The following DPH1 variants were observed in gnomAD, a reference collection of about 807,000 sequenced individuals.
The protein encoded by DPH1 is 2-(3-amino-3-carboxypropyl)histidine synthase subunit 1.
A neutral mutation model predicts 55.3 loss-of-function variants in DPH1; 59 were observed. The ratio of observed to expected loss-of-function variants is 1.07; its 90% CI spans 0.87 to 1.33. The LOEUF is 1.33. Ranked by LOEUF, DPH1 falls within the 40% of genes most tolerant of loss-of-function variation. The pLI, the probability that DPH1 is intolerant of heterozygous loss-of-function variation, is 0.00. For missense variants in DPH1, 628 were observed against 584.8 expected (o/e 1.07, Z -0.76); for synonymous variants, 238 against 235.5 (o/e 1.01, Z -0.10).
chr17:2,030,411 G>A (rs879092660), intron 1 of DPH1, among the ~76,000 whole-genome samples, 181 bp downstream of exon 1: 1 of 152,256 alleles, frequency 6.6e-6, no homozygotes, highest in Admixed American at 6.5e-5. Context: ...AGGGGTACCA[G>A]TCTTTTGCAG....
At chr17:2,042,268 C>T (rs760808865) in intron 12 of DPH1, 27 of 1,404,744 alleles carry the variant, frequency 1.9e-5, no homozygotes, top group Middle Eastern at 3.7e-4. Flanking sequence ...CACTCAGTTT[C>T]CTCCATCTTG....
chr17:2,036,766 C>G lies in DPH1; in HGVS notation c.559-69C>G, dbSNP rs1315132560. The G allele has an allele frequency of 5.6e-6, 9 of 1,607,166 alleles. No individual in the cohort carries two copies. Among genetic ancestry groups the G allele is most frequent in the Non-Finnish European group, 6.8e-6 (8 of 1,175,826 alleles). On this transcript the variant is annotated intron_variant, in intron 5 of 12. Transcript: ENST00000263083. This position sits in a 1 kb window ranked among gnomAD's most constrained non-coding sequence, Gnocchi z 4.8. ...AGCTGTTGCGGGATCCCCAGGTGCT[C>G]CAGGCTGTTTCTCAGCCCTGGCTCT... is the stretch of plus-strand genomic sequence containing the variant.
Position 2,043,206 on chromosome 17 carries a change from T to A in DPH1, c.*620T>A. On this transcript the variant is annotated 3_prime_UTR_variant, in exon 13 of 13. Coordinates refer to ENST00000263083, the MANE Select transcript of DPH1 (RefSeq NM_001383.6). ...CTCCACTCACTGCTGTGAGTGCGCCTCACCAGAACCAGTTAAGAGACAACT... is the reference window on the plus strand; with the variant it reads ...CTCCACTCACTGCTGTGAGTGCGCCACACCAGAACCAGTTAAGAGACAACT... The A allele has an allele frequency of 7.3e-7, 1 of 1,367,346 alleles. No individual in the cohort carries two copies. Among genetic ancestry groups the A allele is most frequent in the Middle Eastern group, 2.0e-4 (1 of 5,056 alleles). The allele number at this position is 1,367,346 out of a possible 1,614,324, so 84.7% of individuals were successfully genotyped here.
rs756883293 is a variant in DPH1, at chr17:2,039,823, G to A, written c.749G>A (p.Arg250Gln). ...GCCAACCCCAATGTCCCCGCTTACC[G>A]GTATGGGCTGGGCCGGGCTGGGCTG... is the stretch of plus-strand genomic sequence containing the variant. ...MIANPNVPAY[R>Q]YDPYSKVLSR... Residue 250 changes from arginine to glutamine, a missense_variant and splice_region_variant, in exon 7 of 13, where the codon CGG (arginine) becomes CAG (glutamine). Arg to Gln is a conservative substitution (Grantham distance 43). Coordinates refer to ENST00000263083, the MANE Select transcript of DPH1 (RefSeq NM_001383.6). The A allele has an allele frequency of 2.0e-5, 33 of 1,613,978 alleles. No individual in the cohort carries two copies. The highest frequency in any genetic ancestry group is 5.0e-5 in the Admixed American group (3 of 60,010).
chr17:2,042,023 C>G (rs768418145), intron 12 of DPH1, 148 bp downstream of exon 12: 85 of 1,497,554 alleles, frequency 5.7e-5, no homozygotes, highest in Non-Finnish European at 6.9e-5. Context: ...GCTTCCGGTG[C>G]TTCCGTCGCT....
At position 2,036,350 on chromosome 17, in the gene DPH1, A is replaced by C. The variant is rs2067424582; in HGVS notation, c.401-179A>C. On this transcript the variant is annotated intron_variant, in intron 4 of 12. Transcript: ENST00000263083. The surrounding 1 kb of genome is among the most constrained non-coding windows in gnomAD (Gnocchi z 4.8). Reference sequence around the variant, plus strand: ...GAGCAGGCTGGGCCCCGGCCGGGTGACAGAGAAGTCTGATTGAGAAGGAGC... The same window carrying C: ...GAGCAGGCTGGGCCCCGGCCGGGTGCCAGAGAAGTCTGATTGAGAAGGAGC... 9.4e-7 allele frequency: 1 copy of C among 1,059,100 alleles called. No individual in the cohort carries two copies. The highest frequency in any genetic ancestry group is 1.3e-6 in the Non-Finnish European group (1 of 743,244). 65.6% of individuals were successfully genotyped at this position (1,059,100 alleles called of 1,614,324 possible).
intron 12 of DPH1, 126 bp downstream of exon 12, chr17:2,042,001 C>A: frequency 2.0e-6 from 3 of 1,487,824 alleles, no homozygotes; most frequent in Non-Finnish European, 2.7e-6. Context: ...TGCTTCCGCT[C>A]GGGGAAAGAC....
chr17:2,039,676 C>T (rs2067482990), intron 6 of DPH1, 79 bp from the exon 7 acceptor site: 1 of 1,587,656 alleles, frequency 6.3e-7, no homozygotes, highest in South Asian at 1.1e-5. Context: ...CGCGCCCGGC[C>T]AGCCCTGTGG....
Position 2,043,769 on chromosome 17 carries a change from T to C in DPH1, c.*1183T>C, listed in dbSNP as rs370859964. On this transcript the variant is annotated 3_prime_UTR_variant, in exon 13 of 13. Transcript: ENST00000263083. The stretch of plus-strand genomic sequence containing the variant: ...TGCTGGTCTTCTCTCAAACCCTGGA[T>C]GTGTTACCTGCTTCTCCCTAAGTGC... The C allele has an allele frequency of 6.6e-6, 1 of 152,460 alleles. No individual in the cohort carries two copies. The highest frequency in any genetic ancestry group is 2.1e-4 in the South Asian group (1 of 4,838). 9.4% of individuals were successfully genotyped at this position (152,460 alleles called of 1,614,324 possible).
At position 2,041,577 on chromosome 17, in the gene DPH1, C is replaced by T. The variant is rs200625064; in HGVS notation, c.1183C>T (p.Gln395Ter). Reference sequence around the variant, plus strand: ...GGGGCCCTGGACGGTGAACCACGGCCAGGACCGCCGTCCCCACGCCCCGGG... The same window carrying T: ...GGGGCCCTGGACGGTGAACCACGGCTAGGACCGCCGTCCCCACGCCCCGGG... ...SLGPWTVNHG[Q>*]DRRPHAPGRP... The change falls in exon 11 of 13, where the codon CAG (glutamine) becomes TAG (stop). Residue 395 changes from glutamine to a stop codon, truncating the protein, a stop_gained. Coordinates refer to ENST00000263083, the MANE Select transcript of DPH1 (RefSeq NM_001383.6). LOFTEE classifies it high-confidence loss of function. The T allele has an allele frequency of 2.1e-4, 344 of 1,610,716 alleles. No individual in the cohort carries two copies. Among genetic ancestry groups the T allele is most frequent in the Non-Finnish European group, 2.7e-4 (322 of 1,178,814 alleles).
chr17:2,030,614 C>T (rs925962642), intron 1 of DPH1, among the ~76,000 whole-genome samples: 1 of 152,150 alleles, frequency 6.6e-6, no homozygotes, highest in African/African-American at 2.4e-5. Context: ...CAGGCATTAA[C>T]TGAGCGCCCA....
intron 9 of DPH1, 43 bp from the exon 10 acceptor site, chr17:2,041,060 C>T (rs1030011875): frequency 3.1e-5 from 48 of 1,561,124 alleles, no homozygotes; most frequent in Non-Finnish European, 3.9e-5. Context: ...GCCTGGGCGA[C>T]GAGGAGGCCC....
Position 2,041,820 on chromosome 17 carries a change from G to C in DPH1, c.1280G>C (p.Ser427Thr). 2 of 1,606,104 alleles carry C rather than the reference G, an allele frequency of 1.2e-6. No homozygotes were observed. The highest frequency in any genetic ancestry group is 1.7e-6 in the Non-Finnish European group (2 of 1,177,314). ...TCGGCCGTGGCTTGCGAGGACTGCA[G>C]CTGCAGGGACGAGAAGGTGGCGCCG... ...PPSAVACEDC[S>T]CRDEKVAPLA... The change falls in exon 12 of 13, where the codon AGC (serine) becomes ACC (threonine). Residue 427 changes from serine (S) to threonine (T), a missense_variant. Ser to Thr is a moderately conservative substitution (Grantham distance 58). Coordinates refer to ENST00000263083, the MANE Select transcript of DPH1 (RefSeq NM_001383.6).
intron 12 of DPH1, chr17:2,042,117 G>A: frequency 6.4e-7 from 1 of 1,565,850 alleles, no homozygotes; most frequent in Non-Finnish European, 8.6e-7. Context: ...GGGCTTCCGT[G>A]AGAAGACCGG....
In DPH1 at chr17:2,043,386, GCACCATGGTGACTGCCA is replaced by G; in HGVS notation, c.*803_*819del. ...GGTGACATGGGGAAGGCAGAGGCTGGCACCATGGTGACTGCCACATAATAAAGTGGTGATTTGGATTT... is the reference window on the plus strand; with the variant it reads ...GGTGACATGGGGAAGGCAGAGGCTGGCATAATAAAGTGGTGATTTGGATTT... On this transcript the variant is annotated 3_prime_UTR_variant, in exon 13 of 13. Transcript: ENST00000263083. 3 of 387,910 alleles carry G rather than the reference GCACCATGGTGACTGCCA, an allele frequency of 7.7e-6. No homozygotes were observed. The highest frequency in any genetic ancestry group is 1.4e-5 in the Non-Finnish European group (3 of 216,058). 24.0% of individuals were successfully genotyped at this position (387,910 alleles called of 1,614,324 possible).
At chr17:2,034,381 A>T (rs886104627) in intron 3 of DPH1, among the ~76,000 whole-genome samples, 1 of 151,794 alleles carries the variant, frequency 6.6e-6, no homozygotes, top group Non-Finnish European at 1.5e-5. Context: ...GAGCTCAGCC[A>T]TCTGGAACCA....
At chr17:2,042,546 C>A (rs773865732) in intron 12 of DPH1, 59 bp from the exon 13 acceptor site, 217 of 1,481,836 alleles carry the variant, frequency 1.5e-4, no homozygotes, top group Non-Finnish European at 1.9e-4. Context: ...TTTCTCATTT[C>A]TTTCCTTCCT....
chr17:2,040,757 T>C (rs1483766533), intron 9 of DPH1, 152 bp downstream of exon 9: 4 of 830,686 alleles, frequency 4.8e-6, no homozygotes, highest in Non-Finnish European at 7.5e-6. Flanking sequence ...AACTGGGTCA[T>C]ACCTGCTTTG....
At chr17:2,042,501 C>T (rs1313895453) in intron 12 of DPH1, 104 bp from the exon 13 acceptor site, 19 of 1,439,212 alleles carry the variant, frequency 1.3e-5, no homozygotes, top group Non-Finnish European at 1.5e-5. Context: ...GCCTCGATTC[C>T]CTTTTTCTCT....
Sources: allele counts gnomAD v4.1 joint callset (sites outside exome capture counted in the v4.1 genomes callset), GRCh38; gene constraint gnomAD v4.1.1; non-coding constraint Gnocchi (gnomAD v3.1); transcripts MANE v1.5; gene names NCBI Gene and HGNC (gene_info 2026-07-23, HGNC 2026-07-21).